ROBO1: variants seen among roughly 807,000 people sequenced by gnomAD.
The protein encoded by ROBO1 is roundabout guidance receptor 1.
In ROBO1, 149 loss-of-function variants were observed where a neutral mutation model predicts 195.9. The ratio of observed to expected loss-of-function variants is 0.76; its 90% CI spans 0.67 to 0.87. The LOEUF is 0.87. Among genes scored for constraint, ROBO1 ranks in the 40% least tolerant of loss-of-function variants. The pLI is 0.00. For missense variants in ROBO1, 1,933 were observed against 2,068.3 expected (o/e 0.93, Z 1.27); for synonymous variants, 816 against 733.2 (o/e 1.11, Z -1.82).
intron 4 of ROBO1, among the ~76,000 whole-genome samples, chr3:78,864,719 T>G (rs906057186): frequency 2.6e-5 from 4 of 152,036 alleles, no homozygotes; most frequent in African/African-American, 9.7e-5. Flanking sequence ...TATACACATG[T>G]GTGTATATAT....
At chr3:78,677,743 C>T (rs902671368) in intron 10 of ROBO1, among the ~76,000 whole-genome samples, 1 of 152,174 alleles carries the variant, frequency 6.6e-6, no homozygotes, top group African/African-American at 2.4e-5. Context: ...TAACACCCCA[C>T]TGTCAACATT....
intron 1 of ROBO1, among the ~76,000 whole-genome samples, chr3:79,705,799 A>G (rs776029875): frequency 3.3e-5 from 5 of 152,150 alleles, no homozygotes; most frequent in Non-Finnish European, 5.9e-5. Flanking sequence ...TCGAGTCTTC[A>G]TATTCATTAA....
At chr3:79,617,606 C>T (rs1231222621) in intron 1 of ROBO1, among the ~76,000 whole-genome samples, 1 of 152,038 alleles carries the variant, frequency 6.6e-6, no homozygotes, top group East Asian at 1.9e-4. Flanking sequence ...GAAGAGACAG[C>T]TCCTCCAGAT....
intron 2 of ROBO1, among the ~76,000 whole-genome samples, chr3:79,154,600 A>C (rs1397872073): frequency 6.6e-6 from 1 of 151,792 alleles, no homozygotes; most frequent in Non-Finnish European, 1.5e-5. Flanking sequence ...CCCTCGATGC[A>C]GATATCAGCC....
intron 2 of ROBO1, among the ~76,000 whole-genome samples, chr3:79,510,207 G>A (rs150590680): frequency 1.1e-4 from 17 of 152,254 alleles, no homozygotes; most frequent in African/African-American, 4.1e-4. Flanking sequence ...GCACCGGATA[G>A]GAGGTAATTG....
chr3:78,942,113 C>A (rs1488281012), intron 3 of ROBO1, among the ~76,000 whole-genome samples: 1 of 151,968 alleles, frequency 6.6e-6, no homozygotes, highest in East Asian at 1.9e-4. Flanking sequence ...CCAGCCTAGG[C>A]AACACAAGGA....
chr3:79,340,786 A>G (rs1329833982), intron 2 of ROBO1, among the ~76,000 whole-genome samples: 1 of 152,332 alleles, frequency 6.6e-6, no homozygotes, highest in Admixed American at 6.5e-5. Context: ...GAGTGCTAAA[A>G]TAGAAATGTA....
chr3:78,697,034 T>C (rs1374116837), intron 8 of ROBO1, among the ~76,000 whole-genome samples: 1 of 132,056 alleles, frequency 7.6e-6, no homozygotes, highest in Admixed American at 7.8e-5. Context: ...TGTCTCTCTC[T>C]GTCACACACA....
chr3:79,744,438 A>G (rs566417718), intron 1 of ROBO1, among the ~76,000 whole-genome samples: 88 of 152,298 alleles, frequency 5.8e-4, no homozygotes, highest in African/African-American at 2.1e-3. Context: ...TCTCCATGTG[A>G]TGATGTCTGA....
At chr3:78,726,252 T>C (rs1576030238) in intron 5 of ROBO1, among the ~76,000 whole-genome samples, 1 of 152,114 alleles carries the variant, frequency 6.6e-6, no homozygotes, top group South Asian at 2.1e-4. Context: ...CAATGAATAA[T>C]AGAATATTGA....
chr3:78,603,942 G>T (rs1178074883), intron 29 of ROBO1, among the ~76,000 whole-genome samples: 2 of 151,884 alleles, frequency 1.3e-5, no homozygotes, highest in Non-Finnish European at 2.9e-5. Flanking sequence ...CTAAATTTCT[G>T]AAGATTGATT....
chr3:79,677,320 G>C lies in ROBO1; in HGVS notation c.-50-87359C>G, dbSNP rs1311200829. 3.3e-5 allele frequency among the ~76,000 whole-genome samples: 5 copies of C among 152,110 alleles called. No individual in the cohort carries two copies. In the East Asian group the frequency reaches 7.8e-4, roughly 24 times the overall value. ...TCTGTTTTCATGCTGCTGATAAAGA[G>C]ATAGCTGAGACTGGGCAATTTACAA... On this transcript the variant is annotated intron_variant, in intron 1 of 30. Transcript: ENST00000464233.
At chr3:79,504,433 T>C (rs934911970) in intron 2 of ROBO1, among the ~76,000 whole-genome samples, 3 of 152,112 alleles carry the variant, frequency 2.0e-5, no homozygotes, top group African/African-American at 7.2e-5. Flanking sequence ...ATGTTTCCTA[T>C]GAAGAATGTA....
At chr3:79,712,116 C>A (rs901819630) in intron 1 of ROBO1, among the ~76,000 whole-genome samples, 2 of 152,044 alleles carry the variant, frequency 1.3e-5, no homozygotes. Context: ...CTACAAAGAC[C>A]TCTAAAATGT....
chr3:78,827,286 A>G (rs1305009697), intron 4 of ROBO1, among the ~76,000 whole-genome samples: 1 of 152,166 alleles, frequency 6.6e-6, no homozygotes, highest in African/African-American at 2.4e-5. Context: ...TTGTCTTGTT[A>G]TATGTAAATC....
At chr3:79,133,323 A>G (rs1216968295) in intron 2 of ROBO1, among the ~76,000 whole-genome samples, 8 of 114,460 alleles carry the variant, frequency 7.0e-5, no homozygotes, top group Non-Finnish European at 1.1e-4. Context: ...AGGTACACCA[A>G]TCAGATGTAG....
intron 3 of ROBO1, among the ~76,000 whole-genome samples, chr3:79,096,850 TA>T (rs140134442): frequency 1.3e-5 from 2 of 151,366 alleles, no homozygotes; most frequent in Admixed American, 1.3e-4. Context: ...CAAAAGAGAC[TA>T]AAAAAACCAC....
In ROBO1 at chr3:78,599,018, T is replaced by G; in HGVS notation, c.4942-91A>C. 10 of 708,444 alleles carry G rather than the reference T, an allele frequency of 1.4e-5. No homozygotes were observed. In the South Asian group the frequency reaches 2.1e-4, roughly 15 times the overall value. 43.9% of individuals were successfully genotyped at this position (708,444 alleles called of 1,614,324 possible). On this transcript the variant is annotated intron_variant, in intron 30 of 30. Transcript: ENST00000464233. ...ATATGCATTTATTATTATTATAATTTAATGTGTCTTTTCATTTATTCAATG... is the reference window on the plus strand; with the variant it reads ...ATATGCATTTATTATTATTATAATTGAATGTGTCTTTTCATTTATTCAATG...
chr3:79,047,011 G>C (rs1270889913), intron 3 of ROBO1, among the ~76,000 whole-genome samples: 1 of 152,108 alleles, frequency 6.6e-6, no homozygotes, highest in Admixed American at 6.6e-5. Context: ...AGTACTGAAG[G>C]TATGCAACTC....
Sources: gnomAD v4.1 joint callset for allele counts (sites outside exome capture counted in the v4.1 genomes callset) on GRCh38, gnomAD v4.1.1 for gene constraint, MANE v1.5 for transcripts, NCBI Gene and HGNC (gene_info 2026-07-23, HGNC 2026-07-21) for gene names.